LYSMD4: variants seen among roughly 807,000 people sequenced by gnomAD.
The protein encoded by LYSMD4 is LysM domain containing 4.
A neutral mutation model predicts 6.1 loss-of-function variants in LYSMD4; 9 were observed. The ratio of observed to expected loss-of-function variants is 1.47; its 90% CI spans 0.88 to 2.56. The LOEUF (loss-of-function observed/expected upper bound fraction) is 2.56, where lower values mean the gene tolerates loss of function less well. LYSMD4 is among the 30% of genes most tolerant of loss of function. The pLI, the probability that LYSMD4 is intolerant of heterozygous loss-of-function variation, is 0.00. For missense variants in LYSMD4, 384 were observed against 373.5 expected (o/e 1.03, Z -0.23); for synonymous variants, 143 against 148.5 (o/e 0.96, Z 0.27).
chr15:99,722,680 GA>G (rs2059246280), downstream of LYSMD4, among the ~76,000 whole-genome samples: 1 of 152,148 alleles, frequency 6.6e-6, no homozygotes, highest in African/African-American at 2.4e-5. Flanking sequence ...ACACAATGAT[GA>G]AATAGAAGAT....
rs929571359 is a variant in LYSMD4, at chr15:99,727,756, C to A, written c.*1367G>T. The A allele has an allele frequency of 3.9e-5, 6 of 152,266 alleles. No homozygotes were observed. The highest frequency in any genetic ancestry group is 8.8e-5 in the Non-Finnish European group (6 of 68,056). 9.4% of individuals were successfully genotyped at this position (152,266 alleles called of 1,614,324 possible). ...GGAGAGAAATCGGAAATCACTCTTA[C>A]ATGGTGAGACCTTTGATACTTTTCT... On this transcript the variant is annotated 3_prime_UTR_variant, in exon 3 of 3. Coordinates refer to ENST00000684762, the MANE Select transcript of LYSMD4 (RefSeq NM_001284417.2).
chr15:99,729,218 T>C lies in LYSMD4; in HGVS notation c.796A>G (p.Thr266Ala), dbSNP rs1259263044. The change falls in exon 3 of 3, where the codon ACA becomes GCA. Residue 266 changes from threonine (T) to alanine (A), a missense_variant. Transcript: ENST00000684762. ...VIPNGSMAMG[T>A]VPGQAPRLAV... ...AGTCTGGGGGCTTGCCCTGGAACTGTACCCATTGCCATCGAGCCATTGGGG... is the reference window on the plus strand; with the variant it reads ...AGTCTGGGGGCTTGCCCTGGAACTGCACCCATTGCCATCGAGCCATTGGGG... 6 of 1,614,116 alleles carry C rather than the reference T, an allele frequency of 3.7e-6. No homozygotes were observed. Among genetic ancestry groups the C allele is most frequent in the African/African-American group, 1.3e-5 (1 of 74,942 alleles).
At position 99,728,925 on chromosome 15, in the gene LYSMD4, G is replaced by T; in HGVS notation, c.*198C>A. ...TCTCTGGATAGGGGCCGAGGTCGCT[G>T]CTGTTTTAGATCCTGCCAGCTTAGA... On this transcript the variant is annotated 3_prime_UTR_variant, in exon 3 of 3. Transcript: ENST00000684762. 1 of 714,680 alleles carries T rather than the reference G, an allele frequency of 1.4e-6. No individual in the cohort carries two copies. Among genetic ancestry groups the T allele is most frequent in the Non-Finnish European group, 2.3e-6 (1 of 430,948 alleles). 44.3% of individuals were successfully genotyped at this position (714,680 alleles called of 1,614,324 possible). A position where few individuals can be genotyped will look rare whatever the true frequency, so the allele number is the denominator to read the frequency against.
chr15:99,731,130 C>T, intron 2 of LYSMD4: 2 of 1,584,450 alleles, frequency 1.3e-6, no homozygotes, highest in Non-Finnish European at 1.7e-6. Context: ...CAGTTGCAAT[C>T]TAGGAGAAAA....
downstream of LYSMD4, among the ~76,000 whole-genome samples, chr15:99,722,573 A>T (rs1278227805): frequency 6.6e-6 from 1 of 152,258 alleles, no homozygotes; most frequent in Non-Finnish European, 1.5e-5. Context: ...GGAGGGAGAG[A>T]TCAACAAATG....
downstream of LYSMD4, among the ~76,000 whole-genome samples, chr15:99,726,831 G>A (rs1000423938): frequency 6.6e-6 from 1 of 152,142 alleles, no homozygotes; most frequent in Non-Finnish European, 1.5e-5. Context: ...AGGAAGTATC[G>A]TGGTTATTTC....
At chr15:99,717,508 T>TCAGATTGGGGCTTAAAACAC (rs143484968) in exon 1 of LYSMD4, 83,256 of 151,824 alleles carry the variant, frequency 0.55, 22,874 homozygotes, top group Middle Eastern at 0.59. Flanking sequence ...CCAGGAGGTT[T>TCAGATTGGGGCTTAAAACAC]CAGACGTTCC....
rs187169135 is a variant in LYSMD4 at position 99,729,822 on chromosome 15, G to T, written c.283-91C>A. 1,210 of 1,424,286 alleles carry T rather than the reference G, an allele frequency of 8.5e-4. 2 individuals carry two copies. The highest frequency in any genetic ancestry group is 4.1e-3 in the South Asian group (286 of 69,278). 88.2% of individuals were successfully genotyped at this position (1,424,286 alleles called of 1,614,324 possible). The stretch of plus-strand genomic sequence containing the variant: ...GTGGCTCTTAATCTTTCTGGGTGAT[G>T]ATTCAAGCCCACTTCACTGACGAAT... On this transcript the variant is annotated intron_variant, in intron 2 of 2. Transcript: ENST00000684762.
Position 99,732,027 on chromosome 15 carries a change from G to A in LYSMD4, c.-8-20C>T, listed in dbSNP as rs2141140800. 1 of 1,532,218 alleles carries A rather than the reference G, an allele frequency of 6.5e-7. No homozygotes were observed. Among genetic ancestry groups the A allele is most frequent in the Non-Finnish European group, 8.8e-7 (1 of 1,133,470 alleles). 94.9% of individuals were successfully genotyped at this position (1,532,218 alleles called of 1,614,324 possible). On this transcript the variant is annotated intron_variant, in intron 1 of 2. Transcript: ENST00000684762. Reference sequence around the variant, plus strand: ...TCTTCACTGAAAATCAAGCCGGAGGGTTAATTCCACAGAAGACATAATCAT... The same window carrying A: ...TCTTCACTGAAAATCAAGCCGGAGGATTAATTCCACAGAAGACATAATCAT...
At chr15:99,720,595 C>T (rs1014783563), upstream of LYSMD4, among the ~76,000 whole-genome samples, 1 of 152,196 alleles carries the variant, frequency 6.6e-6, no homozygotes, top group African/African-American at 2.4e-5. Flanking sequence ...GTAAATGGCT[C>T]TCAACACTGC....
At chr15:99,716,384 A>G (rs1189579186) in exon 1 of LYSMD4, 2 of 394,938 alleles carry the variant, frequency 5.1e-6, no homozygotes, top group Non-Finnish European at 1.0e-5. Flanking sequence ...TACAATAAAT[A>G]TAATAGTGAA....
downstream of LYSMD4, among the ~76,000 whole-genome samples, chr15:99,722,840 T>C (rs2059247557): frequency 6.6e-6 from 1 of 152,108 alleles, no homozygotes; most frequent in Non-Finnish European, 1.5e-5. Flanking sequence ...GAGACCAGCC[T>C]GCGCAACATG....
chr15:99,731,289 C>T (rs940298969), intron 2 of LYSMD4: 1 of 1,600,710 alleles, frequency 6.2e-7, no homozygotes, highest in Non-Finnish European at 8.5e-7. Flanking sequence ...TAAAACTTTA[C>T]CAAAAGTCAA....
At chr15:99,722,362 C>A (rs116199496), upstream of LYSMD4, among the ~76,000 whole-genome samples, 1,808 of 152,232 alleles carry the variant, frequency 0.012, 46 homozygotes, top group African/African-American at 0.041. Context: ...CTACACCTGC[C>A]CTAACATAGC....
downstream of LYSMD4, among the ~76,000 whole-genome samples, chr15:99,725,801 T>A (rs1242611013): frequency 1.3e-5 from 2 of 152,040 alleles, no homozygotes; most frequent in Non-Finnish European, 2.9e-5. Flanking sequence ...ATGCCACAGG[T>A]GCCCTACCCC....
downstream of LYSMD4, among the ~76,000 whole-genome samples, chr15:99,724,417 T>G (rs1180377467): frequency 6.6e-6 from 1 of 152,182 alleles, no homozygotes; most frequent in Non-Finnish European, 1.5e-5. Flanking sequence ...CATGCTACTG[T>G]GCCTGGCTAA....
At position 99,731,879 on chromosome 15, in the gene LYSMD4, C is replaced by G; in HGVS notation, c.121G>C (p.Glu41Gln). The change falls in exon 2 of 3, where the codon GAA becomes CAA. Residue 41 changes from glutamate to glutamine, a missense_variant. By Grantham distance (29) the Glu-to-Gln change is conservative (BLOSUM62 2). Transcript: ENST00000684762. ...GSGDSGDSSE[E>Q]ESHRVVLRPR... ...CGCAAAACCACACGGTGAGACTCTT[C>G]TTCAGAAGAGTCCCCCGAGTCCCCA... is the stretch of plus-strand genomic sequence containing the variant. The G allele has an allele frequency of 6.2e-7, 1 of 1,613,630 alleles. No individual in the cohort carries two copies. The highest frequency in any genetic ancestry group is 8.5e-7 in the Non-Finnish European group (1 of 1,180,038).
At position 99,729,733 on chromosome 15, in the gene LYSMD4, T is replaced by A; in HGVS notation, c.283-2A>T. The A allele has an allele frequency of 6.3e-7, 1 of 1,597,872 alleles. No homozygotes were observed. Among genetic ancestry groups the A allele is most frequent in the Admixed American group, 1.7e-5 (1 of 58,318 alleles). ...GTTGACTTTCTTGATATCTGCAACC[T>A]AGGAAGGCACGAAGATAAACATCAT... On this transcript the variant is annotated splice_acceptor_variant, in intron 2 of 2. Transcript: ENST00000684762. LOFTEE classifies it high-confidence loss of function.
exon 1 of LYSMD4, chr15:99,716,314 C>A: frequency 2.9e-6 from 1 of 347,916 alleles, no homozygotes; most frequent in South Asian, 2.2e-5. Flanking sequence ...TTGAGATGAA[C>A]CTTTTAAGAA....
Sources: gnomAD v4.1 joint callset for allele counts (sites outside exome capture counted in the v4.1 genomes callset) on GRCh38, gnomAD v4.1.1 for gene constraint, MANE v1.5 for transcripts, NCBI Gene and HGNC (gene_info 2026-07-23, HGNC 2026-07-21) for gene names.